The following NUDT3 variants were observed in gnomAD, a reference collection of about 807,000 sequenced individuals.
NUDT3 encodes diphosphoinositol polyphosphate phosphohydrolase 1.
A neutral mutation model predicts 23.6 loss-of-function variants in NUDT3; 9 were observed. That is an observed-to-expected ratio of 0.38 (90% CI 0.23 to 0.66). NUDT3 has a LOEUF of 0.66. Among genes scored for constraint, NUDT3 ranks in the 30% least tolerant of loss-of-function variants. The pLI is 0.52. For synonymous variants in NUDT3, 86 were observed against 82.6 expected (o/e 1.04, Z -0.22); for missense variants, 172 against 218.5 (o/e 0.79, Z 1.34).
intron 2 of NUDT3, among the ~76,000 whole-genome samples, chr6:34,297,731 A>AAT (rs1554149026): frequency 5.3e-4 from 14 of 26,546 alleles, no homozygotes; most frequent in South Asian, 1.3e-3. Context: ...AAAAAAAAAA[A>AAT]TATATATATA....
At chr6:34,347,740 G>A (rs540415412) in intron 1 of NUDT3, among the ~76,000 whole-genome samples, 31 of 152,132 alleles carry the variant, frequency 2.0e-4, no homozygotes, top group South Asian at 1.9e-3. Flanking sequence ...CATAGTCCCT[G>A]CCCTATAGGA....
intron 1 of NUDT3, among the ~76,000 whole-genome samples, chr6:34,361,573 T>C (rs1045267331): frequency 2.0e-5 from 3 of 152,192 alleles, no homozygotes; most frequent in Non-Finnish European, 4.4e-5. Flanking sequence ...AACCTGCACA[T>C]GTATGTTTAT....
At chr6:34,313,031 G>T (rs1300336027) in intron 2 of NUDT3, among the ~76,000 whole-genome samples, 1 of 152,024 alleles carries the variant, frequency 6.6e-6, no homozygotes, top group African/African-American at 2.4e-5. Context: ...GCTGGGCATG[G>T]TGGCGCACGA....
chr6:34,314,569 A>G (rs1332217675), intron 2 of NUDT3, among the ~76,000 whole-genome samples: 2 of 151,850 alleles, frequency 1.3e-5, no homozygotes, highest in Non-Finnish European at 1.5e-5. Flanking sequence ...AAAAAAAAAA[A>G]AAAAAATTAA....
intron 3 of NUDT3, among the ~76,000 whole-genome samples, chr6:34,294,277 C>T (rs1317945441): frequency 2.0e-5 from 3 of 151,886 alleles, no homozygotes; most frequent in African/African-American, 7.2e-5. Flanking sequence ...TGAGCCACCA[C>T]ACCCAGCCAA....
In NUDT3 at chr6:34,287,370, C is replaced by G. The variant is rs1304005044; in HGVS notation, c.*1383G>C. On this transcript the variant is annotated 3_prime_UTR_variant, in exon 5 of 5. Coordinates refer to ENST00000607016, the MANE Select transcript of NUDT3 (RefSeq NM_006703.4). ...ATCTCAAGACCCTCTTACTTCCGAA[C>G]TAAACAACACAATTGGCAAATGAAG... The G allele has an allele frequency of 1.3e-5, 2 of 152,180 alleles. No homozygotes were observed. The highest frequency in any genetic ancestry group is 2.9e-5 in the Non-Finnish European group (2 of 68,038). 9.4% of individuals were successfully genotyped at this position (152,180 alleles called of 1,614,324 possible).
Position 34,390,630 on chromosome 6 carries a change from T to C in NUDT3, c.99+1634A>G, listed in dbSNP as rs553432676. 5.3e-5 allele frequency among the ~76,000 whole-genome samples: 8 copies of C among 152,296 alleles called. No individual in the cohort carries two copies. The South Asian group carries it at 8.3e-4, about 16-fold the overall frequency. Reference sequence around the variant, plus strand: ...ACCTTGGTCTCCTGAAGTGCTAGGATTACAGGCGTGAGCCACCACGCCCGG... The same window carrying C: ...ACCTTGGTCTCCTGAAGTGCTAGGACTACAGGCGTGAGCCACCACGCCCGG... On this transcript the variant is annotated intron_variant, in intron 1 of 4. Transcript: ENST00000607016.
chr6:34,350,084 G>A (rs1480870759), intron 1 of NUDT3, among the ~76,000 whole-genome samples: 3 of 149,020 alleles, frequency 2.0e-5, no homozygotes, highest in Non-Finnish European at 4.4e-5. Flanking sequence ...GCGAAACTCC[G>A]TCTCAAAAAA....
At chr6:34,383,432 G>C (rs1765056211) in intron 1 of NUDT3, among the ~76,000 whole-genome samples, 1 of 152,080 alleles carries the variant, frequency 6.6e-6, no homozygotes, top group Non-Finnish European at 1.5e-5. Context: ...CTGTTGCCCA[G>C]GCTGGAGTGC....
In NUDT3 at chr6:34,311,798, A is replaced by G. The variant is rs206940; in HGVS notation, c.211-16113T>C. 2.3e-3 allele frequency among the ~76,000 whole-genome samples: 358 copies of G among 152,384 alleles called. 3 individuals carry two copies. The highest frequency in any genetic ancestry group is 7.9e-3 in the African/African-American group (329 of 41,596). ...CAATACACAAATCTTTGACAAAGGA[A>G]TAAGAACGATACAATGGAGAAAAAA... On this transcript the variant is annotated intron_variant, in intron 2 of 4. Coordinates refer to ENST00000607016, the MANE Select transcript of NUDT3 (RefSeq NM_006703.4).
chr6:34,392,581 C>G lies in NUDT3; in HGVS notation c.-219G>C, dbSNP rs566489278. 5 of 335,974 alleles carry G rather than the reference C, an allele frequency of 1.5e-5. No homozygotes were observed. The highest frequency in any genetic ancestry group is 1.4e-4 in the East Asian group (3 of 20,702). 20.8% of individuals were successfully genotyped at this position (335,974 alleles called of 1,614,324 possible). On this transcript the variant is annotated 5_prime_UTR_variant, in exon 1 of 5. Transcript: ENST00000607016. ...GCTGCCACCGTCACGGCTGCCGTCTCCGCTGCCGCCAGGGCCGCCGCCCCC... is the reference window on the plus strand; with the variant it reads ...GCTGCCACCGTCACGGCTGCCGTCTGCGCTGCCGCCAGGGCCGCCGCCCCC...
At position 34,302,853 on chromosome 6, in the gene NUDT3, C is replaced by T. The variant is rs888331036; in HGVS notation, c.211-7168G>A. 2.6e-5 allele frequency among the ~76,000 whole-genome samples: 4 copies of T among 152,262 alleles called. 1 individual carries two copies. The East Asian group carries it at 7.7e-4, about 29-fold the overall frequency. On this transcript the variant is annotated intron_variant, in intron 2 of 4. Transcript: ENST00000607016. Reference sequence around the variant, plus strand: ...GTACGATCCATCTGTAATTTATTTCCAAATAGCCAATGGTCTAGAGACTCC... The same window carrying T: ...GTACGATCCATCTGTAATTTATTTCTAAATAGCCAATGGTCTAGAGACTCC...
intron 2 of NUDT3, among the ~76,000 whole-genome samples, chr6:34,311,156 T>C (rs927522578): frequency 6.6e-5 from 10 of 152,214 alleles, no homozygotes. Flanking sequence ...CGTTTGCAGA[T>C]GACATGATTT....
At chr6:34,378,344 A>C (rs1215995473) in intron 1 of NUDT3, among the ~76,000 whole-genome samples, 1 of 152,144 alleles carries the variant, frequency 6.6e-6, no homozygotes, top group African/African-American at 2.4e-5. Flanking sequence ...CTTCATAAAT[A>C]AAATGAAAAG....
chr6:34,304,116 C>T (rs1252753811), intron 2 of NUDT3, among the ~76,000 whole-genome samples: 1 of 151,670 alleles, frequency 6.6e-6, no homozygotes, highest in Non-Finnish European at 1.5e-5. Flanking sequence ...AGCTGGGTGT[C>T]GTGGCGCATG....
At chr6:34,324,685 TACC>T (rs771808720) in intron 2 of NUDT3, among the ~76,000 whole-genome samples, 3 of 152,238 alleles carry the variant, frequency 2.0e-5, no homozygotes, top group Non-Finnish European at 4.4e-5. Flanking sequence ...ACATTATGAA[TACC>T]ACTTTTTATA....
intron 1 of NUDT3, among the ~76,000 whole-genome samples, chr6:34,347,798 A>G (rs921465392): frequency 6.6e-6 from 1 of 152,102 alleles, no homozygotes; most frequent in Non-Finnish European, 1.5e-5. Context: ...ATACGGAGTG[A>G]GAAATACTTA....
Position 34,294,192 on chromosome 6 carries a change from GC to G in NUDT3, c.256-658del, listed in dbSNP as rs552890760. 7.9e-5 allele frequency among the ~76,000 whole-genome samples: 12 copies of G among 151,896 alleles called. No individual in the cohort carries two copies. In the South Asian group the frequency reaches 2.5e-3, roughly 32 times the overall value. ...GTAGAGACAGGGTTTCACCATGTTGGCCAGGCTGGTCTCAAACTCCTGACCT... is the reference window on the plus strand; with the variant it reads ...GTAGAGACAGGGTTTCACCATGTTGGCAGGCTGGTCTCAAACTCCTGACCT... On this transcript the variant is annotated intron_variant, in intron 3 of 4. Transcript: ENST00000607016.
rs568266734 is a variant in NUDT3 at position 34,294,348 on chromosome 6, C to T, written c.256-813G>A. On this transcript the variant is annotated intron_variant, in intron 3 of 4. Transcript: ENST00000607016. Reference sequence around the variant, plus strand: ...TGTTGCCCAGGCTGGTCTTAAACTCCTAGGCTCAAGTGATCCTCCCACTTT... The same window carrying T: ...TGTTGCCCAGGCTGGTCTTAAACTCTTAGGCTCAAGTGATCCTCCCACTTT... Among the ~76,000 whole-genome samples the T allele has an allele frequency of 8.5e-5, 13 of 152,102 alleles. No individual in the cohort carries two copies. The South Asian group carries it at 2.7e-3, about 32-fold the overall frequency.
Sources: gnomAD v4.1 joint callset for allele counts (sites outside exome capture counted in the v4.1 genomes callset) on GRCh38, gnomAD v4.1.1 for gene constraint, MANE v1.5 for transcripts, NCBI Gene and HGNC (gene_info 2026-07-23, HGNC 2026-07-21) for gene names.